Variants in NEDD4 observed in about 807,000 individuals in gnomAD.
NEDD4 encodes the protein NEDD4 E3 ubiquitin protein ligase.
NEDD4 carries 99 observed loss-of-function variants against 144.9 expected under a neutral mutation model. The observed-to-expected ratio is 0.68, with a 90% CI of 0.58 to 0.81. The LOEUF is 0.81. NEDD4 is among the 30% of genes least tolerant of loss of function. The pLI, the probability that NEDD4 is intolerant of heterozygous loss-of-function variation, is 0.00. For missense variants in NEDD4, 985 were observed against 1,065.9 expected, an observed-to-expected ratio of 0.92 and a Z score of 1.06; for synonymous variants, 318 against 350.6, an observed-to-expected ratio of 0.91 and a Z score of 1.04.
chr15:55,971,271 A>G (rs1008694063), intron 1 of NEDD4, among the ~76,000 whole-genome samples: 11 of 152,176 alleles, frequency 7.2e-5, no homozygotes, highest in Non-Finnish European at 1.5e-4. Context: ...AAATAAAAAA[A>G]GAATAAAAGT....
intron 5 of NEDD4, among the ~76,000 whole-genome samples, chr15:55,879,262 G>T (rs1243652853): frequency 6.6e-6 from 1 of 152,198 alleles, no homozygotes; most frequent in Non-Finnish European, 1.5e-5. Context: ...ATGAGTGAAA[G>T]TCCTAATACC....
intron 11 of NEDD4, among the ~76,000 whole-genome samples, chr15:55,857,166 G>A (rs532831752): frequency 1.6e-4 from 24 of 152,236 alleles, no homozygotes; most frequent in Admixed American, 1.4e-3. Context: ...AAATATATGT[G>A]TATGCATGCA....
intron 1 of NEDD4, among the ~76,000 whole-genome samples, chr15:55,967,808 C>A (rs1303833762): frequency 1.3e-5 from 2 of 151,952 alleles, no homozygotes; most frequent in Non-Finnish European, 2.9e-5. Flanking sequence ...ATTGCTTGAG[C>A]CCAGGAGTTC....
intron 21 of NEDD4, among the ~76,000 whole-genome samples, chr15:55,839,836 T>A (rs1380864691): frequency 2.7e-5 from 4 of 150,034 alleles, no homozygotes; most frequent in Non-Finnish European, 5.9e-5. Flanking sequence ...ATTAGCTGAG[T>A]GTGGTGGTGC....
intron 2 of NEDD4, among the ~76,000 whole-genome samples, chr15:55,963,648 T>C (rs1397940020): frequency 6.6e-6 from 1 of 152,216 alleles, no homozygotes; most frequent in Non-Finnish European, 1.5e-5. Flanking sequence ...TCAACAGGCA[T>C]ATGTTTTATT....
At chr15:55,905,911 C>G (rs2036075413) in intron 5 of NEDD4, among the ~76,000 whole-genome samples, 1 of 152,134 alleles carries the variant, frequency 6.6e-6, no homozygotes, top group Non-Finnish European at 1.5e-5. Context: ...GCTTTTGTTG[C>G]CATTGCTTTT....
intron 4 of NEDD4, among the ~76,000 whole-genome samples, chr15:55,940,539 T>TCTGC (rs760550047): frequency 2.0e-5 from 3 of 146,892 alleles, no homozygotes; most frequent in Non-Finnish European, 3.0e-5. Context: ...TCTCTCTCTC[T>TCTGC]CTCTCTGCCT....
chr15:55,941,936 C>G (rs1360413800), intron 4 of NEDD4, among the ~76,000 whole-genome samples: 1 of 152,056 alleles, frequency 6.6e-6, no homozygotes, highest in Non-Finnish European at 1.5e-5. Flanking sequence ...AATATGTGGT[C>G]TATCTTGGTA....
intron 7 of NEDD4, among the ~76,000 whole-genome samples, chr15:55,870,240 G>A (rs1412153796): frequency 2.6e-5 from 4 of 152,136 alleles, no homozygotes; most frequent in Non-Finnish European, 4.4e-5. Flanking sequence ...GATAGAGAAA[G>A]GTATCCTCAG....
intron 4 of NEDD4, among the ~76,000 whole-genome samples, chr15:55,930,378 C>A (rs1395845752): frequency 6.6e-6 from 1 of 152,112 alleles, no homozygotes; most frequent in Non-Finnish European, 1.5e-5. Flanking sequence ...CTGGTTAAGA[C>A]TAGCCTTGGA....
chr15:55,933,880 G>A (rs1361436599), intron 4 of NEDD4, among the ~76,000 whole-genome samples: 2 of 152,078 alleles, frequency 1.3e-5, no homozygotes, highest in Non-Finnish European at 2.9e-5. Flanking sequence ...TTGGCTGGAG[G>A]CAGTGGTTCA....
intron 21 of NEDD4, 132 bp from the exon 22 acceptor site, chr15:55,838,736 A>G: frequency 1.7e-6 from 1 of 600,296 alleles, no homozygotes; most frequent in Non-Finnish European, 2.9e-6. Context: ...ACTTACACAC[A>G]TATATAAACA....
At chr15:55,874,545 T>C (rs1180746353) in intron 5 of NEDD4, among the ~76,000 whole-genome samples, 1 of 152,194 alleles carries the variant, frequency 6.6e-6, no homozygotes, top group Non-Finnish European at 1.5e-5. Context: ...AACTCTTACC[T>C]AAATCCCTAG....
rs2033455173 is a variant in NEDD4, at chr15:55,840,521, G to A, written c.1961-4C>T. ...TAAAATGGGCGGATGAAAAAACCTT[G>A]CAAAAAACCAAATACATTTAGGATG... On this transcript the variant is annotated splice_polypyrimidine_tract_variant and splice_region_variant and intron_variant, in intron 20 of 28. Transcript: ENST00000435532. 1.2e-6 allele frequency: 2 copies of A among 1,613,702 alleles called. No homozygotes were observed.
At chr15:55,965,892 TC>T (rs749312195) in intron 2 of NEDD4, among the ~76,000 whole-genome samples, 1 of 152,146 alleles carries the variant, frequency 6.6e-6, no homozygotes, top group Non-Finnish European at 1.5e-5. Flanking sequence ...CCTCAACTGA[TC>T]CGCCTGCCTC....
At chr15:55,854,805 GA>G (rs1224239019) in intron 12 of NEDD4, among the ~76,000 whole-genome samples, 3 of 151,624 alleles carry the variant, frequency 2.0e-5, no homozygotes, top group Non-Finnish European at 2.9e-5. Context: ...TGTATTGAGG[GA>G]AAAAAAAGGC....
At chr15:55,878,314 GAATC>G in intron 5 of NEDD4, among the ~76,000 whole-genome samples, 1 of 151,970 alleles carries the variant, frequency 6.6e-6, no homozygotes. Context: ...TCAATAATAT[GAATC>G]AATAATAAAC....
intron 5 of NEDD4, among the ~76,000 whole-genome samples, chr15:55,889,891 T>TG (rs770806512): frequency 7.9e-5 from 12 of 151,958 alleles, no homozygotes; most frequent in Non-Finnish European, 1.5e-4. Flanking sequence ...TTAGTAGAGA[T>TG]GGGGTTTCAC....
intron 1 of NEDD4, among the ~76,000 whole-genome samples, chr15:55,967,462 GTGTGTGTGTGTGTA>G (rs1273887273): frequency 6.0e-5 from 9 of 150,938 alleles, no homozygotes; most frequent in South Asian, 2.1e-4. Context: ...GTGTGTGTGT[GTGTGTGTGTGTGTA>G]TGTGTGTGTA....
Sources: gnomAD v4.1 joint callset for allele counts (sites outside exome capture counted in the v4.1 genomes callset) on GRCh38, gnomAD v4.1.1 for gene constraint, MANE v1.5 for transcripts, NCBI Gene and HGNC (gene_info 2026-07-23, HGNC 2026-07-21) for gene names.